FARS2: variants seen among roughly 807,000 people sequenced by gnomAD.
The protein encoded by FARS2 is phenylalanyl-tRNA synthetase 2, mitochondrial, also known as phenylalanine--tRNA ligase, mitochondrial.
Under a neutral mutation model 46.4 loss-of-function variants are expected in FARS2, and 40 were observed. The ratio of observed to expected loss-of-function variants is 0.86; its 90% CI spans 0.67 to 1.12. FARS2 has a LOEUF of 1.12. Among genes scored for constraint, FARS2 ranks in the 50% most tolerant of loss-of-function variants. The pLI is 0.00. For synonymous variants in FARS2, 234 were observed against 214.9 expected (o/e 1.09, Z -0.78); for missense variants, 513 against 567.9 (o/e 0.90, Z 0.98).
At chr6:5,770,985 C>T (rs1478278611) in intron 6 of FARS2, among the ~76,000 whole-genome samples, 1 of 152,166 alleles carries the variant, frequency 6.6e-6, no homozygotes, top group Non-Finnish European at 1.5e-5. Flanking sequence ...GTCCCACCTC[C>T]CACCTGCTGA....
intron 6 of FARS2, among the ~76,000 whole-genome samples, chr6:5,770,644 G>A (rs2150989689): frequency 6.6e-6 from 1 of 152,290 alleles, no homozygotes; most frequent in East Asian, 1.9e-4. Flanking sequence ...CATGCAAATA[G>A]AAGGCCCTAC....
At chr6:5,319,940 G>C (rs910823486) in intron 1 of FARS2, among the ~76,000 whole-genome samples, 1 of 152,252 alleles carries the variant, frequency 6.6e-6, no homozygotes, top group Middle Eastern at 3.4e-3. Flanking sequence ...TAGAAGGGAA[G>C]CAGAGTGTAA....
chr6:5,501,490 TA>T (rs1561667086), intron 4 of FARS2, among the ~76,000 whole-genome samples: 2 of 152,040 alleles, frequency 1.3e-5, no homozygotes, highest in Non-Finnish European at 2.9e-5. Flanking sequence ...TATTTTATTT[TA>T]TTTTTATTTA....
At chr6:5,726,512 A>G (rs991453972) in intron 6 of FARS2, among the ~76,000 whole-genome samples, 1 of 152,242 alleles carries the variant, frequency 6.6e-6, no homozygotes, top group African/African-American at 2.4e-5. Flanking sequence ...AGAAACACAG[A>G]TAAACAGTGG....
At chr6:5,335,616 A>G (rs1771100354) in intron 1 of FARS2, among the ~76,000 whole-genome samples, 1 of 152,314 alleles carries the variant, frequency 6.6e-6, no homozygotes, top group Non-Finnish European at 1.5e-5. Flanking sequence ...GTTGTAATGT[A>G]AATCAGTTTT....
chr6:5,432,785 G>A (rs1339517801), intron 4 of FARS2, among the ~76,000 whole-genome samples: 6 of 151,954 alleles, frequency 3.9e-5, no homozygotes, highest in Non-Finnish European at 8.8e-5. Context: ...TAAGAAATGT[G>A]AATAGACCAT....
chr6:5,751,894 A>G (rs565389500), intron 6 of FARS2, among the ~76,000 whole-genome samples: 65 of 152,224 alleles, frequency 4.3e-4, no homozygotes, highest in Non-Finnish European at 7.6e-4. Flanking sequence ...ATAATGACAC[A>G]TTTCTCCCAC....
At chr6:5,586,234 G>A (rs946438128) in intron 5 of FARS2, among the ~76,000 whole-genome samples, 9 of 152,070 alleles carry the variant, frequency 5.9e-5, no homozygotes, top group Admixed American at 5.9e-4. Flanking sequence ...GCTCTGGCTA[G>A]CACCTCTAGT....
At chr6:5,360,499 T>C (rs568861719) in intron 1 of FARS2, among the ~76,000 whole-genome samples, 1 of 152,318 alleles carries the variant, frequency 6.6e-6, no homozygotes, top group East Asian at 1.9e-4. Context: ...TTATTTATAT[T>C]GATTTCAACA....
At chr6:5,635,168 T>C (rs945976687) in intron 6 of FARS2, among the ~76,000 whole-genome samples, 2 of 152,234 alleles carry the variant, frequency 1.3e-5, no homozygotes, top group African/African-American at 2.4e-5. Flanking sequence ...ATAACAAGTG[T>C]CCAGTAAGTG....
chr6:5,324,145 A>G (rs1450594739), intron 1 of FARS2, among the ~76,000 whole-genome samples: 1 of 152,214 alleles, frequency 6.6e-6, no homozygotes, highest in Non-Finnish European at 1.5e-5. Context: ...CTCAGGTTTT[A>G]TCTAAAGTAA....
At position 5,602,041 on chromosome 6, in the gene FARS2, A is replaced by G. The variant is rs193132583; in HGVS notation, c.1066-11128A>G. 4.3e-4 allele frequency among the ~76,000 whole-genome samples: 66 copies of G among 152,296 alleles called. 1 individual carries two copies. The Middle Eastern group carries it at 0.01, about 24-fold the overall frequency. On this transcript the variant is annotated intron_variant, in intron 5 of 6. Coordinates refer to ENST00000274680, the MANE Select transcript of FARS2 (RefSeq NM_006567.5). ...AAATAATTTCTGAGCTGAGAAAGAA[A>G]ACCAAAAAACACAGTAACTTAGCCT...
intron 3 of FARS2, among the ~76,000 whole-genome samples, chr6:5,420,626 C>T (rs1762491520): frequency 6.6e-6 from 1 of 152,224 alleles, no homozygotes; most frequent in South Asian, 2.1e-4. Context: ...CCATGTCTCA[C>T]ATACAGGTCC....
intron 6 of FARS2, among the ~76,000 whole-genome samples, chr6:5,692,334 C>A (rs1240950604): frequency 1.3e-5 from 2 of 152,204 alleles, no homozygotes; most frequent in Admixed American, 1.3e-4. Context: ...TGGCTCCACC[C>A]CCCTTCTATG....
intron 1 of FARS2, among the ~76,000 whole-genome samples, chr6:5,307,597 C>T (rs371051087): frequency 2.4e-4 from 36 of 152,338 alleles, no homozygotes; most frequent in East Asian, 9.6e-4. Context: ...ATATACTACA[C>T]GTAACATTGG....
intron 2 of FARS2, among the ~76,000 whole-genome samples, chr6:5,396,663 G>A (rs1027750170): frequency 6.6e-6 from 1 of 152,178 alleles, no homozygotes; most frequent in African/African-American, 2.4e-5. Context: ...CTTCCCAAGG[G>A]AGAGGGGAGA....
Position 5,368,897 on chromosome 6 carries a change from G to A in FARS2, c.327G>A (p.Leu109=), listed in dbSNP as rs961872269. Residue 109 remains leucine, a synonymous_variant, in exon 2 of 7, where the codon TTG becomes TTA. Transcript: ENST00000274680. The part of the protein sequence containing the change: ...KQYVGRFGTP[L]FSVYDNLSPV... Reference sequence around the variant, plus strand: ...ATGTGGGCCGCTTTGGGACCCCGTTGTTCTCGGTCTACGACAACCTTTCTC... The same window carrying A: ...ATGTGGGCCGCTTTGGGACCCCGTTATTCTCGGTCTACGACAACCTTTCTC... The A allele has an allele frequency of 3.1e-6, 5 of 1,614,044 alleles. No individual in the cohort carries two copies. In the African/African-American group the frequency reaches 6.7e-5, roughly 22 times the overall value.
At chr6:5,579,056 C>T (rs1180526147) in intron 5 of FARS2, among the ~76,000 whole-genome samples, 5 of 152,038 alleles carry the variant, frequency 3.3e-5, no homozygotes, top group East Asian at 3.9e-4. Flanking sequence ...AAAACATTGC[C>T]CTAACTATTA....
chr6:5,662,048 G>A (rs1291941887), intron 6 of FARS2, among the ~76,000 whole-genome samples: 1 of 152,044 alleles, frequency 6.6e-6, no homozygotes, highest in African/African-American at 2.4e-5. Context: ...AAAAAGAAAA[G>A]GAAAAATATT....
Sources: allele counts gnomAD v4.1 joint callset (sites outside exome capture counted in the v4.1 genomes callset), GRCh38; gene constraint gnomAD v4.1.1; transcripts MANE v1.5; gene names NCBI Gene and HGNC (gene_info 2026-07-23, HGNC 2026-07-21).